RTN4: variants seen among roughly 807,000 people sequenced by gnomAD.
The protein encoded by RTN4 is reticulon 4.
In RTN4, 32 loss-of-function variants were observed where a neutral mutation model predicts 90.4. The observed-to-expected ratio is 0.35, with a 90% CI of 0.27 to 0.48. The LOEUF is 0.48. Among genes scored for constraint, RTN4 ranks in the 20% least tolerant of loss-of-function variants. RTN4 has a pLI of 0.99. For synonymous variants in RTN4, 629 were observed against 552.5 expected, an observed-to-expected ratio of 1.14 and a Z score of -1.94; for missense variants, 1,706 against 1,430.2, an observed-to-expected ratio of 1.19 and a Z score of -3.11.
intron 3 of RTN4, among the ~76,000 whole-genome samples, chr2:55,024,820 C>A (rs979347292): frequency 4.6e-5 from 7 of 151,962 alleles, no homozygotes; most frequent in African/African-American, 1.7e-4. Context: ...GGTACTAAAG[C>A]CAATTCTTAT....
the RTN4 span, among the ~76,000 whole-genome samples, chr2:55,135,734 T>G: frequency 1.3e-5 from 2 of 152,318 alleles, no homozygotes; most frequent in East Asian, 1.9e-4. Flanking sequence ...GCTGTAGTCC[T>G]TCCTGCCAAT....
At chr2:54,980,861 A>C (rs996130962) in intron 5 of RTN4, among the ~76,000 whole-genome samples, 8 of 152,220 alleles carry the variant, frequency 5.3e-5, no homozygotes, top group African/African-American at 1.9e-4. Context: ...TCTACCCTAG[A>C]AGTCAGCTAC....
intron 1 of RTN4, among the ~76,000 whole-genome samples, chr2:55,084,984 T>A (rs1048251736): frequency 3.9e-5 from 6 of 152,112 alleles, no homozygotes; most frequent in African/African-American, 7.2e-5. Flanking sequence ...AGAGACTAGA[T>A]CTTACTATGT....
chr2:55,005,494 ACACT>A, intron 3 of RTN4, among the ~76,000 whole-genome samples: 1 of 152,346 alleles, frequency 6.6e-6, no homozygotes, highest in East Asian at 1.9e-4. Context: ...TCCATGATAG[ACACT>A]CACATTCACT....
chr2:55,129,494 T>G, the RTN4 span, among the ~76,000 whole-genome samples: 1 of 152,124 alleles, frequency 6.6e-6, no homozygotes, highest in Non-Finnish European at 1.5e-5. Context: ...ATAGGAGGAT[T>G]GCCTGAGCCT....
intron 3 of RTN4, among the ~76,000 whole-genome samples, chr2:55,001,690 A>C (rs1679860148): frequency 6.6e-6 from 1 of 152,200 alleles, no homozygotes; most frequent in African/African-American, 2.4e-5. Flanking sequence ...GAATTGCTCC[A>C]AAAAACACTG....
rs193273270 is a variant in RTN4, at chr2:55,085,832, G to A, written c.-213-5193C>T. On this transcript the variant is annotated intron_variant, in intron 1 of 3. Coordinates refer to the RTN4 transcript ENST00000427710. ...CATTATGAGACATAAATATAATCTC[G>A]CTGCACATTTGTTGGATCATAACAA... Among the ~76,000 whole-genome samples the A allele has an allele frequency of 1.4e-3, 209 of 152,108 alleles. 5 individuals are homozygous for A. In the South Asian group the frequency reaches 0.027, roughly 19 times the overall value.
At chr2:55,070,157 T>TG (rs916488159) in intron 2 of RTN4, among the ~76,000 whole-genome samples, 8 of 152,128 alleles carry the variant, frequency 5.3e-5, no homozygotes, top group Non-Finnish European at 1.0e-4. Context: ...GTCTTTGTTA[T>TG]GGGGGCTGTC....
At chr2:55,014,052 C>A (rs983992290) in intron 3 of RTN4, among the ~76,000 whole-genome samples, 2 of 152,142 alleles carry the variant, frequency 1.3e-5, no homozygotes, top group Non-Finnish European at 2.9e-5. Context: ...TTCTGAGCTA[C>A]ACAAAGGTAT....
At chr2:55,135,441 A>G in the RTN4 span, among the ~76,000 whole-genome samples, 34 of 152,174 alleles carry the variant, frequency 2.2e-4, no homozygotes, top group African/African-American at 7.7e-4. Context: ...TCCTGGTCTC[A>G]AGTGATCTGC....
At chr2:55,004,347 TAAAATAAAAACAAA>T in intron 3 of RTN4, among the ~76,000 whole-genome samples, 1 of 152,324 alleles carries the variant, frequency 6.6e-6, no homozygotes, top group East Asian at 1.9e-4. Flanking sequence ...ATATAAATTA[TAAAATAAAAACAAA>T]GGCTTCATGC....
At chr2:54,984,287 A>G (rs1464529698) in intron 4 of RTN4, among the ~76,000 whole-genome samples, 1 of 152,228 alleles carries the variant, frequency 6.6e-6, no homozygotes, top group African/African-American at 2.4e-5. Context: ...GTATACTTGT[A>G]TATTTTTCCT....
intron 3 of RTN4, among the ~76,000 whole-genome samples, chr2:55,005,488 T>C (rs1052529778): frequency 3.3e-5 from 5 of 152,196 alleles, no homozygotes; most frequent in African/African-American, 1.2e-4. Context: ...CACAGATCCA[T>C]GATAGACACT....
At chr2:55,122,984 T>G in the RTN4 span, among the ~76,000 whole-genome samples, 1 of 152,216 alleles carries the variant, frequency 6.6e-6, no homozygotes, top group Non-Finnish European at 1.5e-5. Context: ...ATTAGAATTC[T>G]CCAAAGAGTT....
rs774747925 is a variant in RTN4, at chr2:55,027,242, T to C, written c.857A>G (p.Asp286Gly). 1.2e-6 allele frequency: 2 copies of C among 1,613,806 alleles called. No individual in the cohort carries two copies. The highest frequency in any genetic ancestry group is 1.3e-5 in the African/African-American group (1 of 75,034). Residue 286 changes from aspartate (D) to glycine (G), a missense_variant, in exon 3 of 9, where the codon GAT (aspartate) becomes GGT (glycine). By Grantham distance (94) the Asp-to-Gly change is moderately conservative. Coordinates refer to ENST00000337526, the MANE Select transcript of RTN4 (RefSeq NM_020532.5). The part of the protein sequence containing the change: ...VSEKAKTLLI[D>G]RDLTEFSELE... ...TTCTGAAAACTCTGTTAAATCTCTA[T>C]CTATGAGTAGAGTTTTTGCCTTCTC...
chr2:55,126,909 G>C, the RTN4 span, among the ~76,000 whole-genome samples: 1 of 152,122 alleles, frequency 6.6e-6, no homozygotes, highest in Non-Finnish European at 1.5e-5. Context: ...AATTAATGCA[G>C]GAACGGAAAC....
the RTN4 span, among the ~76,000 whole-genome samples, chr2:55,129,226 C>T: frequency 6.6e-6 from 1 of 151,984 alleles, no homozygotes; most frequent in Non-Finnish European, 1.5e-5. Flanking sequence ...CCAAATCTCA[C>T]TGTAAACATA....
At chr2:54,975,784 A>G (rs572827916) in intron 5 of RTN4, among the ~76,000 whole-genome samples, 1 of 152,228 alleles carries the variant, frequency 6.6e-6, no homozygotes, top group Admixed American at 6.5e-5. Context: ...ACAGCTTAGG[A>G]AGACACTTTG....
intron 3 of RTN4, among the ~76,000 whole-genome samples, chr2:55,015,675 G>A (rs1305353762): frequency 1.3e-5 from 2 of 152,120 alleles, no homozygotes; most frequent in South Asian, 4.1e-4. Flanking sequence ...CTGGTAAAGG[G>A]CTTTTAAAAA....
Sources: gnomAD v4.1 joint callset for allele counts (sites outside exome capture counted in the v4.1 genomes callset) on GRCh38, gnomAD v4.1.1 for gene constraint, MANE v1.5 for transcripts, NCBI Gene and HGNC (gene_info 2026-07-23, HGNC 2026-07-21) for gene names.